Variants in DOLPP1 observed in about 807,000 individuals in gnomAD.
The protein encoded by DOLPP1 is dolichyldiphosphatase 1, also known as dolichyl pyrophosphate phosphatase 1.
A neutral mutation model predicts 34.1 loss-of-function variants in DOLPP1; 15 were observed. The observed-to-expected ratio is 0.44, with a 90% confidence interval of 0.29 to 0.68. The LOEUF is 0.68. DOLPP1 is among the 30% of genes least tolerant of loss of function. DOLPP1 has a pLI of 0.12. For synonymous variants in DOLPP1, 130 were observed against 128.2 expected (o/e 1.01, Z -0.10); for missense variants, 249 against 307.1 (o/e 0.81, Z 1.41).
At chr9:129,086,860 T>C in intron 7 of DOLPP1, 62 bp downstream of exon 7, 1 of 1,474,104 alleles carries the variant, frequency 6.8e-7, no homozygotes, top group East Asian at 2.3e-5. Context: ...CCTCCATGTT[T>C]GGAGGGCTCT....
rs576865592 is a variant in DOLPP1, at chr9:129,082,869, A to G, written c.76+1662A>G. Among the ~76,000 whole-genome samples, 3 of 152,286 alleles carry G rather than the reference A, an allele frequency of 2.0e-5. No individual in the cohort carries two copies. The South Asian group carries it at 6.2e-4, about 32-fold the overall frequency. On this transcript the variant is annotated intron_variant, in intron 1 of 7. Transcript: ENST00000372546. ...ACTCCCAGATGCTGTCCTGATATCT[A>G]CATTAGTGGATCATGAACTGAGTCT...
intron 7 of DOLPP1, among the ~76,000 whole-genome samples, chr9:129,088,073 G>T (rs1847026255): frequency 6.7e-6 from 1 of 149,796 alleles, no homozygotes; most frequent in Non-Finnish European, 1.5e-5. Flanking sequence ...CTGCCTATGT[G>T]ATCAGTGCTG....
intron 7 of DOLPP1, 67 bp from the exon 8 acceptor site, chr9:129,088,904 G>A (rs144034480): frequency 1.8e-5 from 28 of 1,538,450 alleles, no homozygotes; most frequent in Middle Eastern, 1.7e-4. Context: ...CTACGGGTGG[G>A]GTGGGGACAG....
chr9:129,089,034 C>G lies in DOLPP1; in HGVS notation c.*27C>G, dbSNP rs1204972477. 3 of 1,612,764 alleles carry G rather than the reference C, an allele frequency of 1.9e-6. No homozygotes were observed. In the East Asian group the frequency reaches 6.7e-5, roughly 36 times the overall value. On this transcript the variant is annotated 3_prime_UTR_variant, in exon 8 of 8. Transcript: ENST00000372546. The surrounding 1 kb of genome is among the most constrained non-coding windows in gnomAD (Gnocchi z 4.9). ...CAGTGGGTGTGGCTGGGTCCAGCCT[C>G]CAGATCTGGCCCGCACGATGCCTTG...
intron 1 of DOLPP1, among the ~76,000 whole-genome samples, chr9:129,083,968 A>T (rs559676755): frequency 7.9e-5 from 12 of 152,214 alleles, no homozygotes; most frequent in Non-Finnish European, 1.5e-4. Context: ...AAAAGGGGCC[A>T]GTGTTCCTCT....
At position 129,085,142 on chromosome 9, in the gene DOLPP1, C is replaced by T. The variant is rs1846963429; in HGVS notation, c.262+35C>T. ...CAGCTGCGAGGGCCTGAGGTTCCCC[C>T]AGGTTGGGGCGTTACTGGGAGGTCT... On this transcript the variant is annotated intron_variant, in intron 3 of 7. Transcript: ENST00000372546. This position sits in a 1 kb window ranked among gnomAD's most constrained non-coding sequence, Gnocchi z 7.0. 4 of 1,608,800 alleles carry T rather than the reference C, an allele frequency of 2.5e-6. No individual in the cohort carries two copies. Among genetic ancestry groups the T allele is most frequent in the Admixed American group, 1.7e-5 (1 of 59,584 alleles).
intron 1 of DOLPP1, among the ~76,000 whole-genome samples, chr9:129,084,155 T>G (rs1289053324): frequency 6.6e-6 from 1 of 152,220 alleles, no homozygotes; most frequent in African/African-American, 2.4e-5. Flanking sequence ...CGGATTTCCC[T>G]GGAGGCCCAG....
At chr9:129,086,356 C>T (rs1206691217) in intron 6 of DOLPP1, 89 bp downstream of exon 6, 2 of 1,492,322 alleles carry the variant, frequency 1.3e-6, no homozygotes, top group African/African-American at 1.4e-5. Context: ...AGTCTTGACC[C>T]CAGCCCCTGT....
chr9:129,081,679 C>CT (rs1324200193), intron 1 of DOLPP1, among the ~76,000 whole-genome samples: 1 of 152,212 alleles, frequency 6.6e-6, no homozygotes, highest in African/African-American at 2.4e-5. Context: ...CGAAGCCAGG[C>CT]TTTTGAGTAC....
intron 7 of DOLPP1, among the ~76,000 whole-genome samples, 189 bp from the exon 8 acceptor site, chr9:129,088,782 G>A (rs978608926): frequency 6.6e-6 from 1 of 152,166 alleles, no homozygotes; most frequent in African/African-American, 2.4e-5. Flanking sequence ...TACAGGCCTC[G>A]CCGGGGAGAT....
chr9:129,086,626 C>A, intron 6 of DOLPP1, 83 bp from the exon 7 acceptor site: 1 of 1,429,312 alleles, frequency 7.0e-7, no homozygotes, highest in Non-Finnish European at 9.8e-7. Context: ...CCGTGCCAGC[C>A]CCGGGCAATG....
At chr9:129,083,162 G>T (rs1846922387) in intron 1 of DOLPP1, among the ~76,000 whole-genome samples, 1 of 152,192 alleles carries the variant, frequency 6.6e-6, no homozygotes, top group African/African-American at 2.4e-5. Context: ...GGCTGAGGGG[G>T]AACTTGTCCT....
chr9:129,086,303 C>CT (rs1247516836), intron 6 of DOLPP1, 36 bp downstream of exon 6: 24 of 1,609,364 alleles, frequency 1.5e-5, no homozygotes, highest in Non-Finnish European at 1.9e-5. Context: ...ACTGTGGGCC[C>CT]TGTCCCCTCC....
At position 129,085,193 on chromosome 9, in the gene DOLPP1, CCT is replaced by C. The variant is rs1564149134; in HGVS notation, c.263-6_263-5del. 2 of 1,612,734 alleles carry C rather than the reference CCT, an allele frequency of 1.2e-6. No homozygotes were observed. Among genetic ancestry groups the C allele is most frequent in the East Asian group, 2.2e-5 (1 of 44,880 alleles). ...GCATCCCCCCGTGATGCCCTGGTCT[CCT>C]CTCTCTCCCAGGCCCCCACACAGCA... On this transcript the variant is annotated splice_polypyrimidine_tract_variant and intron_variant, in intron 3 of 7. Transcript: ENST00000372546. This position sits in a 1 kb window ranked among gnomAD's most constrained non-coding sequence, Gnocchi z 7.0.
rs768690787 is a variant in DOLPP1 at position 129,085,007 on chromosome 9, G to T, written c.178-16G>T. 1.3e-6 allele frequency: 2 copies of T among 1,553,696 alleles called. No individual in the cohort carries two copies. The highest frequency in any genetic ancestry group is 1.9e-5 in the Admixed American group (1 of 52,524). ...GGTGCACAGAGGCCCAGCTGACCAT[G>T]CGTCTTCCCCAGCAGATCTCCTTCC... On this transcript the variant is annotated splice_polypyrimidine_tract_variant and intron_variant, in intron 2 of 7. Transcript: ENST00000372546. The surrounding 1 kb of genome is among the most constrained non-coding windows in gnomAD (Gnocchi z 7.0).
At chr9:129,081,836 A>G (rs1395938364) in intron 1 of DOLPP1, among the ~76,000 whole-genome samples, 1 of 152,156 alleles carries the variant, frequency 6.6e-6, no homozygotes, top group African/African-American at 2.4e-5. Flanking sequence ...GAGGTCCATT[A>G]GCGGCGTTCT....
chr9:129,085,178 G>A lies in DOLPP1; in HGVS notation c.263-29G>A, dbSNP rs759756229. The stretch of plus-strand genomic sequence containing the variant: ...GTTACTGGGAGGTCTGCATCCCCCC[G>A]TGATGCCCTGGTCTCCTCTCTCTCC... On this transcript the variant is annotated intron_variant, in intron 3 of 7. Transcript: ENST00000372546. The surrounding 1 kb of genome is among the most constrained non-coding windows in gnomAD (Gnocchi z 7.0). 21 of 1,613,000 alleles carry A rather than the reference G, an allele frequency of 1.3e-5. No individual in the cohort carries two copies. Among genetic ancestry groups the A allele is most frequent in the South Asian group, 2.2e-5 (2 of 91,042 alleles).
At chr9:129,084,412 A>G (rs1846944914) in intron 1 of DOLPP1, among the ~76,000 whole-genome samples, 1 of 152,236 alleles carries the variant, frequency 6.6e-6, no homozygotes, top group Admixed American at 6.5e-5. Flanking sequence ...TTCTTCATCT[A>G]TAGAATGGGA....
In DOLPP1 at chr9:129,088,955, C is replaced by G; in HGVS notation, c.681-16C>G. On this transcript the variant is annotated splice_polypyrimidine_tract_variant and intron_variant, in intron 7 of 7. Coordinates refer to ENST00000372546, the MANE Select transcript of DOLPP1 (RefSeq NM_020438.5). ...CACCAGATGTCTCCACATCTGACCCCCATCCTGTTTTGCAGGAACAGACAA... is the reference window on the plus strand; with the variant it reads ...CACCAGATGTCTCCACATCTGACCCGCATCCTGTTTTGCAGGAACAGACAA... The G allele has an allele frequency of 1.2e-6, 2 of 1,613,558 alleles. No homozygotes were observed. The highest frequency in any genetic ancestry group is 1.7e-6 in the Non-Finnish European group (2 of 1,179,846).
Sources: allele counts gnomAD v4.1 joint callset (sites outside exome capture counted in the v4.1 genomes callset), GRCh38; gene constraint gnomAD v4.1.1; non-coding constraint Gnocchi (gnomAD v3.1); transcripts MANE v1.5; gene names NCBI Gene and HGNC (gene_info 2026-07-23, HGNC 2026-07-21).